The following DSCAML1 variants were observed in gnomAD, a reference collection of about 807,000 sequenced individuals.
DSCAML1 encodes cell adhesion molecule DSCAML1.
In DSCAML1, 38 loss-of-function variants were observed where a neutral mutation model predicts 200.5. The observed-to-expected ratio is 0.19, with a 90% confidence interval of 0.15 to 0.25. The LOEUF (loss-of-function observed/expected upper bound fraction) is 0.25. Ranked by LOEUF, DSCAML1 falls within the 10% of genes least tolerant of loss-of-function variation. DSCAML1 has a pLI of 1.00. For missense variants in DSCAML1, 2,223 were observed against 2,858.8 expected (o/e 0.78, Z 5.07); for synonymous variants, 1,215 against 1,165.0 (o/e 1.04, Z -0.87).
Position 117,435,687 on chromosome 11 carries a change from G to A in DSCAML1, c.4833C>T (p.Ile1611=), listed in dbSNP as rs760892325. 8.1e-6 allele frequency: 13 copies of A among 1,609,442 alleles called. 1 individual carries two copies. Among genetic ancestry groups the A allele is most frequent in the Admixed American group, 5.0e-5 (3 of 59,938 alleles). Reference sequence around the variant, plus strand: ...GTTTCTCCTTCCTCTTCTTGCGTACGATGAAGAGCAGTGCCACCCCCAGTG... The same window carrying A: ...GTTTCTCCTTCCTCTTCTTGCGTACAATGAAGAGCAGTGCCACCCCCAGTG... ...LATLGVALLF[I]VRKKRKEKRL... is the part of the protein sequence containing the mutation. The change falls in exon 27 of 33, where the codon ATC becomes ATT. Residue 1611 remains isoleucine (I), a synonymous_variant. Transcript: ENST00000651296.
chr11:117,769,991 C>G (rs1483735092), intron 3 of DSCAML1, among the ~76,000 whole-genome samples: 1 of 152,192 alleles, frequency 6.6e-6, no homozygotes, highest in Non-Finnish European at 1.5e-5. Flanking sequence ...CCAGATCACC[C>G]CAGCCTTTCA....
intron 3 of DSCAML1, among the ~76,000 whole-genome samples, chr11:117,598,875 T>C (rs748316): frequency 0.37 from 55,793 of 152,106 alleles, 11,691 homozygotes; most frequent in Non-Finnish European, 0.47. Flanking sequence ...TATCCCATTC[T>C]GGAGCAGGAT....
intron 3 of DSCAML1, among the ~76,000 whole-genome samples, chr11:117,552,689 A>G (rs1465860466): frequency 2.0e-5 from 3 of 152,360 alleles, no homozygotes; most frequent in South Asian, 4.1e-4. Flanking sequence ...AGTGATTGCT[A>G]TCATCGTTTT....
intron 4 of DSCAML1, among the ~76,000 whole-genome samples, chr11:117,525,905 G>A (rs1357286238): frequency 2.0e-5 from 3 of 152,136 alleles, no homozygotes; most frequent in African/African-American, 7.2e-5. Context: ...CCTAAACTCT[G>A]GACAGATTCA....
At chr11:117,733,214 C>G (rs1348442408) in intron 3 of DSCAML1, among the ~76,000 whole-genome samples, 2 of 152,112 alleles carry the variant, frequency 1.3e-5, no homozygotes, top group Non-Finnish European at 2.9e-5. Flanking sequence ...CCCTGATCTG[C>G]TCTGTTTTGT....
intron 3 of DSCAML1, among the ~76,000 whole-genome samples, chr11:117,557,598 T>TTCTG (rs1302729218): frequency 1.3e-5 from 2 of 152,250 alleles, no homozygotes; most frequent in Non-Finnish European, 2.9e-5. Context: ...AATTTGCATT[T>TTCTG]TCTGTCTCCA....
intron 3 of DSCAML1, among the ~76,000 whole-genome samples, chr11:117,656,624 T>C (rs1196128145): frequency 6.6e-6 from 1 of 152,106 alleles, no homozygotes; most frequent in Non-Finnish European, 1.5e-5. Flanking sequence ...CTTTTACAGA[T>C]GAAAAAAATT....
At chr11:117,776,750 G>A (rs775919784) in intron 3 of DSCAML1, 41 bp downstream of exon 3, 4 of 1,612,414 alleles carry the variant, frequency 2.5e-6, no homozygotes, top group African/African-American at 1.3e-5. Flanking sequence ...TCCCCACAGA[G>A]GGAGCACCTC....
intron 3 of DSCAML1, among the ~76,000 whole-genome samples, chr11:117,711,463 T>G (rs1194741544): frequency 2.6e-5 from 4 of 152,182 alleles, no homozygotes; most frequent in African/African-American, 9.7e-5. Flanking sequence ...TAGGTGAAGG[T>G]TCAGGGCAGT....
At chr11:117,595,730 T>C (rs2051351948) in intron 3 of DSCAML1, among the ~76,000 whole-genome samples, 2 of 152,144 alleles carry the variant, frequency 1.3e-5, no homozygotes, top group Admixed American at 6.5e-5. Context: ...ATCTCCACCT[T>C]TGTGTGGGTC....
At chr11:117,460,859 G>C (rs1221131410) in intron 18 of DSCAML1, among the ~76,000 whole-genome samples, 1 of 152,062 alleles carries the variant, frequency 6.6e-6, no homozygotes, top group African/African-American at 2.4e-5. Context: ...GCTGGGTTTG[G>C]CCAAGGGAGG....
intron 3 of DSCAML1, among the ~76,000 whole-genome samples, chr11:117,554,549 G>C (rs2050523900): frequency 6.6e-6 from 1 of 152,056 alleles, no homozygotes; most frequent in Non-Finnish European, 1.5e-5. Context: ...GCTAATTTTT[G>C]TATTTTTAGT....
chr11:117,587,254 C>CCT (rs1555187502), intron 3 of DSCAML1, among the ~76,000 whole-genome samples: 1 of 16,026 alleles, frequency 6.2e-5, no homozygotes, highest in Non-Finnish European at 1.8e-4. Flanking sequence ...TTCTTTCCAA[C>CCT]CCCCCCCCAC....
chr11:117,743,083 C>A (rs1172325330), intron 3 of DSCAML1, among the ~76,000 whole-genome samples: 1 of 152,150 alleles, frequency 6.6e-6, no homozygotes, highest in Non-Finnish European at 1.5e-5. Flanking sequence ...CTGCTTTGAG[C>A]CAACCTCTGT....
At chr11:117,455,750 G>C (rs1454897615) in intron 19 of DSCAML1, among the ~76,000 whole-genome samples, 1 of 152,140 alleles carries the variant, frequency 6.6e-6, no homozygotes, top group Non-Finnish European at 1.5e-5. Context: ...ACCAGGGCTG[G>C]ACTTGGACCA....
intron 3 of DSCAML1, among the ~76,000 whole-genome samples, chr11:117,671,615 G>A (rs1055149660): frequency 8.5e-5 from 13 of 152,154 alleles, no homozygotes; most frequent in African/African-American, 3.1e-4. Context: ...GTTAATCAAT[G>A]GATTGATTGA....
intron 3 of DSCAML1, among the ~76,000 whole-genome samples, chr11:117,670,316 TCCAAGCTC>T: frequency 2.0e-5 from 3 of 151,900 alleles, no homozygotes; most frequent in Admixed American, 2.0e-4. Context: ...CCAGACCGAC[TCCAAGCTC>T]CCTGCCAAAT....
intron 3 of DSCAML1, among the ~76,000 whole-genome samples, chr11:117,617,543 T>C (rs540476411): frequency 6.6e-5 from 10 of 152,292 alleles, no homozygotes; most frequent in Non-Finnish European, 1.0e-4. Flanking sequence ...GTTTATAGAA[T>C]AGTCTGCGCA....
chr11:117,667,705 G>A (rs1415366240), intron 3 of DSCAML1, among the ~76,000 whole-genome samples: 2 of 152,210 alleles, frequency 1.3e-5, no homozygotes, highest in African/African-American at 4.8e-5. Context: ...ACCTGAAACA[G>A]AATCCAACCT....
Sources: allele counts gnomAD v4.1 joint callset (sites outside exome capture counted in the v4.1 genomes callset), GRCh38; gene constraint gnomAD v4.1.1; transcripts MANE v1.5; gene names NCBI Gene and HGNC (gene_info 2026-07-23, HGNC 2026-07-21).